The following PKD2 variants were observed in gnomAD, a reference collection of about 807,000 sequenced individuals.
The protein encoded by PKD2 is polycystin-2.
A neutral mutation model predicts 105.9 loss-of-function variants in PKD2; 48 were observed. That is an observed-to-expected ratio of 0.45 (90% CI 0.36 to 0.58). The LOEUF is 0.58. Ranked by LOEUF, PKD2 falls within the 20% of genes least tolerant of loss-of-function variation. The probability of loss-of-function intolerance (pLI) is 0.00; values close to 1 mark genes in which losing one functional copy is unlikely to be tolerated. For synonymous variants in PKD2, 464 were observed against 481.1 expected, an observed-to-expected ratio of 0.96 and a Z score of 0.46; for missense variants, 1,078 against 1,255.3, an observed-to-expected ratio of 0.86 and a Z score of 2.13.
At chr4:88,067,754 A>G in intron 12 of PKD2, 144 bp from the exon 13 acceptor site, 2 of 739,906 alleles carry the variant, frequency 2.7e-6, no homozygotes, top group Non-Finnish European at 4.7e-6. Flanking sequence ...AAACTGAAAA[A>G]TGCAGGAGTC....
chr4:88,074,743 T>G (rs1721167128), intron 13 of PKD2, 69 bp from the exon 14 acceptor site: 5 of 1,555,706 alleles, frequency 3.2e-6, no homozygotes, highest in African/African-American at 1.4e-5. Context: ...CACTTCCTTT[T>G]GAAAAGCCAG....
At chr4:88,014,005 G>T (rs1429751035) in intron 1 of PKD2, among the ~76,000 whole-genome samples, 1 of 152,116 alleles carries the variant, frequency 6.6e-6, no homozygotes, top group Non-Finnish European at 1.5e-5. Flanking sequence ...AGGTGGGTAG[G>T]CTGGTGGCTG....
At chr4:88,073,906 C>G (rs564082966) in intron 13 of PKD2, among the ~76,000 whole-genome samples, 1 of 152,202 alleles carries the variant, frequency 6.6e-6, no homozygotes, top group East Asian at 1.9e-4. Context: ...CAGAGGTTGT[C>G]TTTGGCTTAC....
In PKD2 at chr4:88,065,798, C is replaced by G; in HGVS notation, c.2277C>G (p.Phe759Leu). The G allele has an allele frequency of 6.2e-7, 1 of 1,613,282 alleles. No individual in the cohort carries two copies. Among genetic ancestry groups the G allele is most frequent in the African/African-American group, 1.3e-5 (1 of 74,968 alleles). The change falls in exon 12 of 15, where the codon TTC (phenylalanine) becomes TTG (leucine). Residue 759 changes from phenylalanine to leucine, a missense_variant. Phe to Leu is a conservative substitution (Grantham distance 22). This residue lies in a region of PKD2 where 868 missense variants were observed against 1,067.3 expected (regional missense o/e 0.81). Transcript: ENST00000237596. ...CTGATGCAGAGATTGAGGCAATATT[C>G]ACAAAGTACGACCAAGATGGAGACC... The part of the protein sequence containing the change: ...GHTDAEIEAI[F>L]TKYDQDGDQE...
rs1553925852 is a variant in PKD2 at position 88,043,380 on chromosome 4, G to T, written c.1242G>T (p.Trp414Cys). ...TTGCTAGCCTCAAGAAAAATGTCTGGCTGGACCGAGGAACCAGGGCAACTT... is the reference window on the plus strand; with the variant it reads ...TTGCTAGCCTCAAGAAAAATGTCTGTCTGGACCGAGGAACCAGGGCAACTT... ...AQVASLKKNV[W>C]LDRGTRATFI... Residue 414 changes from tryptophan (W) to cysteine (C), a missense_variant, in exon 5 of 15, where the codon TGG (tryptophan) becomes TGT (cysteine). Coordinates refer to ENST00000237596, the MANE Select transcript of PKD2 (RefSeq NM_000297.4). 6.2e-7 allele frequency: 1 copy of T among 1,614,014 alleles called. No homozygotes were observed. The highest frequency in any genetic ancestry group is 8.5e-7 in the Non-Finnish European group (1 of 1,179,936).
chr4:88,057,883 T>G, intron 8 of PKD2, 100 bp from the exon 9 acceptor site: 1 of 963,646 alleles, frequency 1.0e-6, no homozygotes, highest in South Asian at 1.3e-5. Flanking sequence ...CCTATACTGC[T>G]AAAAGGTCCA....
At chr4:88,014,888 T>A (rs1347603315) in intron 1 of PKD2, among the ~76,000 whole-genome samples, 1 of 152,182 alleles carries the variant, frequency 6.6e-6, no homozygotes, top group African/African-American at 2.4e-5. Flanking sequence ...TATTTCTGTT[T>A]CCCAGAACAA....
intron 10 of PKD2, among the ~76,000 whole-genome samples, chr4:88,063,142 C>G (rs999856110): frequency 3.3e-5 from 5 of 152,210 alleles, no homozygotes; most frequent in African/African-American, 1.2e-4. Flanking sequence ...CAGTCTGTTA[C>G]TAATTGGTCA....
intron 4 of PKD2, among the ~76,000 whole-genome samples, chr4:88,040,992 A>C (rs1160274045): frequency 6.6e-6 from 1 of 152,206 alleles, no homozygotes; most frequent in African/African-American, 2.4e-5. Context: ...GAAACAAAGC[A>C]GCAGGAAACA....
At chr4:88,027,678 TCTC>T (rs1727004594) in intron 2 of PKD2, among the ~76,000 whole-genome samples, 1 of 152,140 alleles carries the variant, frequency 6.6e-6, no homozygotes, top group Non-Finnish European at 1.5e-5. Context: ...TGACTCTGTG[TCTC>T]CACCCAAATC....
At position 88,007,963 on chromosome 4, in the gene PKD2, C is replaced by T; in HGVS notation, c.230C>T (p.Pro77Leu). The change falls in exon 1 of 15, where the codon CCT becomes CTT. Residue 77 changes from proline (P) to leucine (L), a missense_variant. Coordinates refer to ENST00000237596, the MANE Select transcript of PKD2 (RefSeq NM_000297.4). ...PPAGAAASPS[P>L]PLSSCSRQAW... ...GCCGGAGCCGCGGCCTCCCCTTCTC[C>T]TCCGCTCTCGTCGTGCTCCCGGCAG... The T allele has an allele frequency of 6.7e-7, 1 of 1,497,516 alleles. No homozygotes were observed. The highest frequency in any genetic ancestry group is 8.9e-7 in the Non-Finnish European group (1 of 1,126,898). 92.8% of individuals were successfully genotyped at this position (1,497,516 alleles called of 1,614,324 possible).
chr4:88,008,149 G>C lies in PKD2; in HGVS notation c.416G>C (p.Arg139Pro). 6.9e-7 allele frequency: 1 copy of C among 1,459,310 alleles called. No individual in the cohort carries two copies. Among genetic ancestry groups the C allele is most frequent in the Non-Finnish European group, 9.0e-7 (1 of 1,108,108 alleles). The allele number at this position is 1,459,310 out of a possible 1,614,324, so 90.4% of individuals were successfully genotyped here. Residue 139 changes from arginine to proline, a missense_variant, in exon 1 of 15, where the codon CGG becomes CCG. This residue lies in a region of PKD2 where 868 missense variants were observed against 1,067.3 expected (regional missense o/e 0.81). Transcript: ENST00000237596. ...SAVSSVGARS[R>P]GLGGYHGAGH... ...GTGAGCTCCGTGGGCGCGCGGAGCCGGGGGCTTGGGGGCTACCACGGCGCG... is the reference window on the plus strand; with the variant it reads ...GTGAGCTCCGTGGGCGCGCGGAGCCCGGGGCTTGGGGGCTACCACGGCGCG...
chr4:88,057,506 G>A (rs1720403105), intron 8 of PKD2, among the ~76,000 whole-genome samples: 1 of 147,972 alleles, frequency 6.8e-6, no homozygotes. Context: ...TGTAATCTCA[G>A]CTCACTGCAA....
chr4:88,049,625 A>G (rs1719963763), intron 6 of PKD2, among the ~76,000 whole-genome samples: 1 of 152,144 alleles, frequency 6.6e-6, no homozygotes, highest in Non-Finnish European at 1.5e-5. Flanking sequence ...CCTTCTGCTC[A>G]CCCACAAAAC....
At position 88,065,441 on chromosome 4, in the gene PKD2, T is replaced by A. The variant is rs569788968; in HGVS notation, c.2186T>A (p.Leu729Gln). The change falls in exon 11 of 15, where the codon CTG (leucine) becomes CAG (glutamine). Residue 729 changes from leucine to glutamine, a missense_variant. Physicochemically the swap from Leu to Gln is moderately radical, Grantham distance 113 (BLOSUM62 -2). Transcript: ENST00000237596. ...ACCGTGGATGACATTTCAGAGAGTC[T>A]GCGGCAAGGAGGAGGCAAGTTAAAC... is the stretch of plus-strand genomic sequence containing the variant. ...KNTVDDISES[L>Q]RQGGGKLNFD... 1.7e-5 allele frequency: 28 copies of A among 1,613,304 alleles called. No homozygotes were observed. In the Middle Eastern group the frequency reaches 8.2e-4, roughly 48 times the overall value.
At chr4:88,056,529 C>CG in intron 8 of PKD2, among the ~76,000 whole-genome samples, 1 of 152,310 alleles carries the variant, frequency 6.6e-6, no homozygotes, top group South Asian at 2.1e-4. Flanking sequence ...GTTCTGAAGA[C>CG]TGAGTTTTTC....
intron 13 of PKD2, among the ~76,000 whole-genome samples, chr4:88,071,414 A>C (rs1721028322): frequency 6.6e-6 from 1 of 151,074 alleles, no homozygotes; most frequent in Non-Finnish European, 1.5e-5. Context: ...ACCTGTTTGA[A>C]TATATTTATA....
At chr4:88,068,092 T>C (rs1183463902) in intron 13 of PKD2, 31 bp downstream of exon 13, 1 of 1,581,016 alleles carries the variant, frequency 6.3e-7, no homozygotes, top group South Asian at 1.1e-5. Context: ...AGAATTTGCG[T>C]TGACAAGAGT....
At chr4:88,019,707 A>T (rs1029756630) in intron 2 of PKD2, 136 bp downstream of exon 2, 51 of 681,220 alleles carry the variant, frequency 7.5e-5, no homozygotes, top group Admixed American at 1.3e-4. Context: ...TTTTAATTCT[A>T]ATATTTTTAT....
Sources: allele counts gnomAD v4.1 joint callset (sites outside exome capture counted in the v4.1 genomes callset), GRCh38; gene constraint gnomAD v4.1.1; regional missense constraint gnomAD v4.1.1; transcripts MANE v1.5; gene names NCBI Gene and HGNC (gene_info 2026-07-23, HGNC 2026-07-21).